CCDC6: variants seen among roughly 807,000 people sequenced by gnomAD.
CCDC6 encodes the protein coiled-coil domain-containing protein 6.
A neutral mutation model predicts 56.6 loss-of-function variants in CCDC6; 20 were observed. That is an observed-to-expected ratio of 0.35 (90% confidence interval 0.25 to 0.51). The LOEUF (loss-of-function observed/expected upper bound fraction) is 0.51. Ranked by LOEUF, CCDC6 falls within the 20% of genes least tolerant of loss-of-function variation. The pLI, the probability that CCDC6 is intolerant of heterozygous loss-of-function variation, is 0.95. For synonymous variants in CCDC6, 241 were observed against 234.4 expected, an observed-to-expected ratio of 1.03 and a Z score of -0.26; for missense variants, 367 against 601.1, an observed-to-expected ratio of 0.61 and a Z score of 4.07.
chr10:59,836,052 T>TAAAAA lies in CCDC6; in HGVS notation c.454-3404_454-3400dup, dbSNP rs59353306. On this transcript the variant is annotated intron_variant, in intron 2 of 8. Transcript: ENST00000263102. Reference sequence around the variant, plus strand: ...CTGGGTGACAGACTGCGACCCTGTCTAAAAAAAAAAAAAAAAAAAAAAGCT... The same window carrying TAAAAA: ...CTGGGTGACAGACTGCGACCCTGTCTAAAAAAAAAAAAAAAAAAAAAAAAAAAGCT... Among the ~76,000 whole-genome samples, 36 of 57,572 alleles carry TAAAAA rather than the reference T, an allele frequency of 6.3e-4. 1 individual carries two copies. Among genetic ancestry groups the TAAAAA allele is most frequent in the African/African-American group, 1.6e-3 (24 of 15,222 alleles). 37.8% of individuals were successfully genotyped at this position (57,572 alleles called of 152,430 possible). A position where few individuals can be genotyped will look rare whatever the true frequency, so the allele number is the denominator to read the frequency against.
Position 59,906,495 on chromosome 10 carries a change from G to C in CCDC6, c.-71C>G. ...CGGCGACGAAGGCCGGGCTGCGAAT[G>C]AGTGGGCGCCGGGCGAGCACAGGGG... On this transcript the variant is annotated 5_prime_UTR_variant, in exon 1 of 9. Coordinates refer to ENST00000263102, the MANE Select transcript of CCDC6 (RefSeq NM_005436.5). 7.6e-7 allele frequency: 1 copy of C among 1,323,388 alleles called. No individual in the cohort carries two copies. Among genetic ancestry groups the C allele is most frequent in the East Asian group, 2.9e-5 (1 of 35,018 alleles). The allele number at this position is 1,323,388 out of a possible 1,614,324, so 82.0% of individuals were successfully genotyped here.
At position 59,873,927 on chromosome 10, in the gene CCDC6, G is replaced by A. The variant is rs2071254327; in HGVS notation, c.304-21225C>T. On this transcript the variant is annotated intron_variant, in intron 1 of 8. Transcript: ENST00000263102. ...TTAAATCTTCTATATGAGAATGAAT[G>A]TTCCCCATTCCTATGATGTTGAGGC... Among the ~76,000 whole-genome samples the A allele has an allele frequency of 1.3e-5, 2 of 152,134 alleles. 1 individual carries two copies. Among genetic ancestry groups the A allele is most frequent in the South Asian group, 4.1e-4 (2 of 4,826 alleles).
chr10:59,864,132 T>A (rs1019466100), intron 1 of CCDC6, among the ~76,000 whole-genome samples: 86 of 152,328 alleles, frequency 5.6e-4, no homozygotes, highest in African/African-American at 2.0e-3. Context: ...CTATGAAATG[T>A]AGTCTGAATC....
intron 2 of CCDC6, among the ~76,000 whole-genome samples, chr10:59,839,348 C>G (rs925281884): frequency 1.3e-5 from 2 of 152,296 alleles, no homozygotes; most frequent in Admixed American, 1.3e-4. Flanking sequence ...TTTCCTTGAT[C>G]CTACTCCAAA....
At chr10:59,818,332 C>T (rs1360082181) in intron 3 of CCDC6, among the ~76,000 whole-genome samples, 1 of 152,090 alleles carries the variant, frequency 6.6e-6, no homozygotes, top group Non-Finnish European at 1.5e-5. Flanking sequence ...CCCACCTCAG[C>T]AAACGTGGGC....
chr10:59,823,520 A>G (rs914224505), intron 3 of CCDC6, among the ~76,000 whole-genome samples: 7 of 152,184 alleles, frequency 4.6e-5, no homozygotes, highest in Non-Finnish European at 1.0e-4. Flanking sequence ...GGGGTCAGGG[A>G]AATATCCTGC....
At chr10:59,830,207 G>A (rs7910256) in intron 3 of CCDC6, among the ~76,000 whole-genome samples, 26,533 of 152,096 alleles carry the variant, frequency 0.17, 3,125 homozygotes, top group African/African-American at 0.33. Context: ...ATCATGATAA[G>A]GCATAGTGTA....
At chr10:59,840,163 T>C (rs2070924190) in intron 2 of CCDC6, among the ~76,000 whole-genome samples, 1 of 152,168 alleles carries the variant, frequency 6.6e-6, no homozygotes, top group South Asian at 2.1e-4. Flanking sequence ...ACAAAGAACA[T>C]TCTTCTACAT....
At chr10:59,898,918 A>G (rs922805738) in intron 1 of CCDC6, among the ~76,000 whole-genome samples, 10 of 152,198 alleles carry the variant, frequency 6.6e-5, no homozygotes, top group African/African-American at 2.2e-4. Flanking sequence ...CCAGGAACCA[A>G]TAAGTAAAGG....
intron 1 of CCDC6, among the ~76,000 whole-genome samples, chr10:59,882,048 A>G (rs28647806): frequency 0.71 from 28,753 of 40,330 alleles, 9,214 homozygotes; most frequent in Middle Eastern, 0.76. Flanking sequence ...AAGGAAAGCC[A>G]GGGGGAGAAG....
intron 3 of CCDC6, among the ~76,000 whole-genome samples, chr10:59,818,252 T>C (rs563580586): frequency 1.6e-4 from 25 of 152,050 alleles, no homozygotes; most frequent in Admixed American, 2.0e-4. Context: ...GAAACATGGG[T>C]TGGAGCTCTA....
At chr10:59,881,887 T>TGAATACTTAC (rs1481656674) in intron 1 of CCDC6, among the ~76,000 whole-genome samples, 1 of 152,200 alleles carries the variant, frequency 6.6e-6, no homozygotes, top group African/African-American at 2.4e-5. Context: ...AGGGGCACAC[T>TGAATACTTAC]GAATACTTAC....
chr10:59,798,618 T>C (rs771543482), intron 7 of CCDC6, among the ~76,000 whole-genome samples: 2 of 152,222 alleles, frequency 1.3e-5, no homozygotes, highest in African/African-American at 4.8e-5. Context: ...AGAAAGAAGT[T>C]GTTTTCTTTA....
In CCDC6 at chr10:59,804,482, C is replaced by T. The variant is rs983534852; in HGVS notation, c.1043G>A (p.Arg348His). The T allele has an allele frequency of 5.0e-6, 8 of 1,612,706 alleles. No individual in the cohort carries two copies. In the Admixed American group the frequency reaches 6.7e-5, roughly 13 times the overall value. ...GTAAGGGATCGGGCTGGACACAGTGCGAGGTCTTAATCCTTGTGCAGACAT... is the reference window on the plus strand; with the variant it reads ...GTAAGGGATCGGGCTGGACACAGTGTGAGGTCTTAATCCTTGTGCAGACAT... ...NEMSAQGLRP[R>H]TVSSPIPYTP... The change falls in exon 7 of 9, where the codon CGC becomes CAC. Residue 348 changes from arginine (R) to histidine (H), a missense_variant. By Grantham distance (29) the Arg-to-His change is conservative (BLOSUM62 0). Transcript: ENST00000263102.
rs1205148157 is a variant in CCDC6 at position 59,882,573 on chromosome 10, GAAGGA to G, written c.303+23544_303+23548del. Among the ~76,000 whole-genome samples, 60 of 139,266 alleles carry G rather than the reference GAAGGA, an allele frequency of 4.3e-4. 20 individuals carry two copies. Among genetic ancestry groups the G allele is most frequent in the Admixed American group, 6.5e-4 (9 of 13,912 alleles). 91.4% of individuals were successfully genotyped at this position (139,266 alleles called of 152,430 possible). On this transcript the variant is annotated intron_variant, in intron 1 of 8. Transcript: ENST00000263102. ...GAGAAGGAAAGGAAAGCCGCGGGGA[GAAGGA>G]AAGGAAAGCCGCGGGGAGAAGGAAA...
At chr10:59,867,404 C>T (rs1401040821) in intron 1 of CCDC6, among the ~76,000 whole-genome samples, 1 of 152,166 alleles carries the variant, frequency 6.6e-6, no homozygotes. Context: ...TCAACATAGA[C>T]CTTAAGTCTG....
At chr10:59,812,537 C>A in intron 5 of CCDC6, 98 bp downstream of exon 5, 1 of 765,904 alleles carries the variant, frequency 1.3e-6, no homozygotes, top group South Asian at 3.1e-5. Context: ...AATTTAATTA[C>A]TGCAAATTCA....
intron 1 of CCDC6, among the ~76,000 whole-genome samples, chr10:59,859,028 C>T (rs139014634): frequency 6.6e-4 from 101 of 152,220 alleles, no homozygotes; most frequent in African/African-American, 2.1e-3. Flanking sequence ...AAGGGCAACT[C>T]CCTCTGGGTT....
At chr10:59,895,634 T>C (rs2071456466) in intron 1 of CCDC6, among the ~76,000 whole-genome samples, 2 of 152,188 alleles carry the variant, frequency 1.3e-5, no homozygotes, top group South Asian at 4.1e-4. Context: ...AGTGGGACAA[T>C]GGTGGTGAAT....
Sources: allele counts gnomAD v4.1 joint callset (sites outside exome capture counted in the v4.1 genomes callset), GRCh38; gene constraint gnomAD v4.1.1; transcripts MANE v1.5; gene names NCBI Gene and HGNC (gene_info 2026-07-23, HGNC 2026-07-21).